Variants in ZFP91 observed in about 807,000 individuals in gnomAD.
ZFP91 encodes ZFP91 zinc finger protein, atypical E3 ubiquitin ligase, also known as E3 ubiquitin-protein ligase ZFP91.
A neutral mutation model predicts 63.5 loss-of-function variants in ZFP91; 7 were observed. That is an observed-to-expected ratio of 0.11 (90% confidence interval 0.06 to 0.21). The LOEUF is 0.21. Ranked by LOEUF, ZFP91 falls within the 10% of genes least tolerant of loss-of-function variation. The pLI is 1.00. For synonymous variants in ZFP91, 330 were observed against 272.1 expected, an observed-to-expected ratio of 1.21 and a Z score of -2.10; for missense variants, 628 against 736.6, an observed-to-expected ratio of 0.85 and a Z score of 1.71.
At chr11:58,615,447 A>G (rs187186606) in intron 9 of ZFP91, among the ~76,000 whole-genome samples, 99 of 152,352 alleles carry the variant, frequency 6.5e-4, no homozygotes, top group Middle Eastern at 3.4e-3. Flanking sequence ...ACTTTTATAA[A>G]TTCAGTCCAT....
At position 58,589,995 on chromosome 11, in the gene ZFP91, T is replaced by TA. The variant is rs1855277690; in HGVS notation, c.370+5112dup. ...AACTTATTGCCATCTTCGACACAGTTATAAGTTTATTCTGCTATATATATT... is the reference window on the plus strand; with the variant it reads ...AACTTATTGCCATCTTCGACACAGTTAATAAGTTTATTCTGCTATATATATT... On this transcript the variant is annotated intron_variant, in intron 2 of 10. Transcript: ENST00000316059. Among the ~76,000 whole-genome samples the TA allele has an allele frequency of 1.1e-4, 16 of 152,362 alleles. 1 individual carries two copies. In the South Asian group the frequency reaches 3.1e-3, roughly 30 times the overall value.
chr11:58,603,796 C>T (rs535386440), intron 2 of ZFP91, among the ~76,000 whole-genome samples: 1 of 152,320 alleles, frequency 6.6e-6, no homozygotes, highest in South Asian at 2.1e-4. Flanking sequence ...GGACCCCTGA[C>T]CCTTTTTCCC....
intron 9 of ZFP91, among the ~76,000 whole-genome samples, chr11:58,614,556 A>G (rs984694917): frequency 8.5e-5 from 13 of 152,188 alleles, no homozygotes; most frequent in African/African-American, 2.9e-4. Context: ...TTGAACTTCT[A>G]TGACCGGGAT....
chr11:58,597,864 G>A (rs1855428079), intron 2 of ZFP91, among the ~76,000 whole-genome samples: 1 of 152,070 alleles, frequency 6.6e-6, no homozygotes, highest in Non-Finnish European at 1.5e-5. Flanking sequence ...GTAATACCGT[G>A]ACTTTTCTCT....
chr11:58,580,030 A>G (rs956011218), intron 1 of ZFP91, among the ~76,000 whole-genome samples: 13 of 151,848 alleles, frequency 8.6e-5, no homozygotes, highest in Non-Finnish European at 1.5e-5. Flanking sequence ...ATAGCCTTCA[A>G]AAATGATTCC....
intron 7 of ZFP91, chr11:58,612,553 AT>A (rs1369586652): frequency 4.8e-6 from 3 of 622,806 alleles, no homozygotes; most frequent in Non-Finnish European, 8.3e-6. Context: ...TCATTAGTTT[AT>A]TTGTGTTACT....
At chr11:58,606,301 A>G (rs1209032703) in intron 2 of ZFP91, among the ~76,000 whole-genome samples, 1 of 152,180 alleles carries the variant, frequency 6.6e-6, no homozygotes, top group African/African-American at 2.4e-5. Flanking sequence ...TCCTGACCTC[A>G]GGTGATCCGC....
At chr11:58,587,781 AT>A (rs1215750309) in intron 2 of ZFP91, among the ~76,000 whole-genome samples, 5 of 151,706 alleles carry the variant, frequency 3.3e-5, no homozygotes, top group Non-Finnish European at 5.9e-5. Flanking sequence ...ATGAAGCCTA[AT>A]TTTTTTTTCT....
rs1423984279 is a variant in ZFP91 at position 58,619,633 on chromosome 11, G to A, written c.*1927G>A. 1 of 152,598 alleles carries A rather than the reference G, an allele frequency of 6.6e-6. No individual in the cohort carries two copies. Among genetic ancestry groups the A allele is most frequent in the Non-Finnish European group, 1.5e-5 (1 of 68,024 alleles). 9.5% of individuals were successfully genotyped at this position (152,598 alleles called of 1,614,324 possible). On this transcript the variant is annotated 3_prime_UTR_variant, in exon 11 of 11. Transcript: ENST00000316059. ...TAGTGTCAGCATTTGGGATGCCAGG[G>A]AACAGAGAGTGAGACACCTACAATC...
intron 2 of ZFP91, among the ~76,000 whole-genome samples, chr11:58,595,952 G>C (rs575436038): frequency 6.6e-6 from 1 of 152,006 alleles, no homozygotes; most frequent in East Asian, 1.9e-4. Flanking sequence ...ATGTACAGTT[G>C]GCCCTTGAAC....
In ZFP91 at chr11:58,579,348, A is replaced by C. The variant is rs749874282; in HGVS notation, c.67A>C (p.Lys23Gln). 3 of 1,494,934 alleles carry C rather than the reference A, an allele frequency of 2.0e-6. No homozygotes were observed. The South Asian group carries it at 3.8e-5, about 19-fold the overall frequency. The allele number at this position is 1,494,934 out of a possible 1,614,324, so 92.6% of individuals were successfully genotyped here. A position where few individuals can be genotyped will look rare whatever the true frequency, so the allele number is the denominator to read the frequency against. Reference protein sequence around the residue: ...QQDQEGGEAAKAAPEEPQQRP... With the variant: ...QQDQEGGEAAQAAPEEPQQRP... Reference sequence around the variant, plus strand: ...GGACCAGGAAGGGGGAGAGGCGGCCAAGGCGGCTCCGGAGGAGCCCCAACA... The same window carrying C: ...GGACCAGGAAGGGGGAGAGGCGGCCCAGGCGGCTCCGGAGGAGCCCCAACA... The change falls in exon 1 of 11, where the codon AAG becomes CAG. Residue 23 changes from lysine (K) to glutamine (Q), a missense_variant. Physicochemically the swap from Lys to Gln is moderately conservative, Grantham distance 53 (BLOSUM62 1). Around this residue, in one of 3 missense-constraint regions of ZFP91, gnomAD observed 437 missense variants for 380.3 expected, o/e 1.15. Coordinates refer to ENST00000316059, the MANE Select transcript of ZFP91 (RefSeq NM_053023.5).
intron 8 of ZFP91, 67 bp downstream of exon 8, chr11:58,612,907 CTT>C: frequency 7.2e-7 from 1 of 1,392,126 alleles, no homozygotes; most frequent in South Asian, 1.2e-5. Flanking sequence ...CACCACGAGA[CTT>C]TAATTTGTTG....
Position 58,617,893 on chromosome 11 carries a change from C to A in ZFP91, c.*187C>A. 2 of 693,094 alleles carry A rather than the reference C, an allele frequency of 2.9e-6. No individual in the cohort carries two copies. The highest frequency in any genetic ancestry group is 4.1e-6 in the Non-Finnish European group (2 of 493,374). The allele number at this position is 693,094 out of a possible 1,614,324, so 42.9% of individuals were successfully genotyped here. On this transcript the variant is annotated 3_prime_UTR_variant, in exon 11 of 11. Coordinates refer to ENST00000316059, the MANE Select transcript of ZFP91 (RefSeq NM_053023.5). This position sits in a 1 kb window ranked among gnomAD's most constrained non-coding sequence, Gnocchi z 4.2. ...CCCATCCCCTGTTCTCCCTCTGTTG[C>A]TCCCCTTATAAAATTGATGTTGTCT... is the stretch of plus-strand genomic sequence containing the variant.
Position 58,579,185 on chromosome 11 carries a change from A to C in ZFP91, c.-97A>C. 2 of 966,738 alleles carry C rather than the reference A, an allele frequency of 2.1e-6. No homozygotes were observed. Among genetic ancestry groups the C allele is most frequent in the East Asian group, 7.3e-5 (2 of 27,576 alleles). The allele number at this position is 966,738 out of a possible 1,614,324, so 59.9% of individuals were successfully genotyped here. A position where few individuals can be genotyped will look rare whatever the true frequency, so the allele number is the denominator to read the frequency against. ...GGAGCGCAGGGTGAGAGTGAGCCGC[A>C]GGCTTCGGGAGGCGAGGGGGCGGGG... On this transcript the variant is annotated 5_prime_UTR_variant, in exon 1 of 11. Transcript: ENST00000316059.
Position 58,617,103 on chromosome 11 carries a change from T to A in ZFP91, c.1203-93T>A, listed in dbSNP as rs559755148. ...GTGTGTGTGTGTGTGTGTGTGTATGTATATATATGCTCTAAACTCTAACCC... is the reference window on the plus strand; with the variant it reads ...GTGTGTGTGTGTGTGTGTGTGTATGAATATATATGCTCTAAACTCTAACCC... On this transcript the variant is annotated intron_variant, in intron 10 of 10. Coordinates refer to ENST00000316059, the MANE Select transcript of ZFP91 (RefSeq NM_053023.5). This position sits in a 1 kb window ranked among gnomAD's most constrained non-coding sequence, Gnocchi z 4.2. 5.3e-6 allele frequency: 6 copies of A among 1,139,406 alleles called. No individual in the cohort carries two copies. The highest frequency in any genetic ancestry group is 7.4e-6 in the Non-Finnish European group (6 of 808,162). The allele number at this position is 1,139,406 out of a possible 1,614,324, so 70.6% of individuals were successfully genotyped here. A position where few individuals can be genotyped will look rare whatever the true frequency, so the allele number is the denominator to read the frequency against.
chr11:58,581,751 G>A (rs963860546), intron 1 of ZFP91, among the ~76,000 whole-genome samples: 2 of 152,152 alleles, frequency 1.3e-5, no homozygotes, highest in Non-Finnish European at 2.9e-5. Context: ...CTAACTCTTG[G>A]CAACAAAGTA....
intron 4 of ZFP91, 76 bp downstream of exon 4, chr11:58,610,410 C>T: frequency 7.3e-7 from 1 of 1,365,408 alleles, no homozygotes; most frequent in Non-Finnish European, 9.8e-7. Context: ...TCAGAAGTTG[C>T]TTCCATTTGA....
Position 58,617,592 on chromosome 11 carries a change from G to A in ZFP91, c.1599G>A (p.Lys533=). 1.2e-6 allele frequency: 2 copies of A among 1,609,076 alleles called. No homozygotes were observed. Among genetic ancestry groups the A allele is most frequent in the South Asian group, 1.1e-5 (1 of 90,360 alleles). Reference sequence around the variant, plus strand: ...GGGTGAGCCTGATGGCTGATGGGAAGATCTTTGTGGGAAGCGGCAGCAGTG... The same window carrying A: ...GGGTGAGCCTGATGGCTGATGGGAAAATCTTTGTGGGAAGCGGCAGCAGTG... The part of the protein sequence containing the change: ...TERVSLMADG[K]IFVGSGSSGG... Residue 533 remains lysine, a synonymous_variant, in exon 11 of 11, where the codon AAG becomes AAA. Coordinates refer to ENST00000316059, the MANE Select transcript of ZFP91 (RefSeq NM_053023.5). This position sits in a 1 kb window ranked among gnomAD's most constrained non-coding sequence, Gnocchi z 4.2.
At chr11:58,610,700 A>T (rs1418864008) in intron 4 of ZFP91, among the ~76,000 whole-genome samples, 1 of 152,162 alleles carries the variant, frequency 6.6e-6, no homozygotes, top group Non-Finnish European at 1.5e-5. Flanking sequence ...TTACAAAGTC[A>T]GTTGTTTCTT....
Sources: gnomAD v4.1 joint callset for allele counts (sites outside exome capture counted in the v4.1 genomes callset) on GRCh38, gnomAD v4.1.1 for gene constraint, gnomAD v4.1.1 regional missense constraint, Gnocchi (gnomAD v3.1) non-coding constraint, MANE v1.5 for transcripts, NCBI Gene and HGNC (gene_info 2026-07-23, HGNC 2026-07-21) for gene names.